Variants in MGAT4C observed in about 807,000 individuals in gnomAD.
MGAT4C encodes the protein MGAT4 family member C.
MGAT4C carries 19 observed loss-of-function variants against 40.1 expected under a neutral mutation model. The ratio of observed to expected loss-of-function variants is 0.47; its 90% CI spans 0.33 to 0.70. The LOEUF (loss-of-function observed/expected upper bound fraction) is 0.70. MGAT4C is among the 30% of genes least tolerant of loss of function. The pLI is 0.02. For missense variants in MGAT4C, 491 were observed against 563.2 expected (o/e 0.87, Z 1.30); for synonymous variants, 181 against 187.1 (o/e 0.97, Z 0.27).
intron 1 of MGAT4C, among the ~76,000 whole-genome samples, chr12:86,119,597 C>G (rs922514702): frequency 6.6e-6 from 1 of 151,636 alleles, no homozygotes. Context: ...TTAGTAGAGA[C>G]AGGGTTTCAC....
chr12:86,085,545 C>T (rs1276061775), intron 1 of MGAT4C, among the ~76,000 whole-genome samples: 1 of 152,012 alleles, frequency 6.6e-6, no homozygotes, highest in African/African-American at 2.4e-5. Flanking sequence ...GGCCTCTTTT[C>T]TGTTCCTATA....
intron 1 of MGAT4C, among the ~76,000 whole-genome samples, chr12:86,774,331 C>CTTTCTTTCTTT (rs1555227805): frequency 9.4e-6 from 1 of 106,732 alleles, no homozygotes; most frequent in East Asian, 3.1e-4. Flanking sequence ...TTCTTTCTTT[C>CTTTCTTTCTTT]TTTCTTTCTG....
At chr12:86,510,981 C>A (rs977672180) in intron 2 of MGAT4C, among the ~76,000 whole-genome samples, 1 of 151,954 alleles carries the variant, frequency 6.6e-6, no homozygotes, top group African/African-American at 2.4e-5. Flanking sequence ...CAGCTCTGCA[C>A]CAAGCAGACC....
intron 2 of MGAT4C, among the ~76,000 whole-genome samples, chr12:86,042,389 G>C (rs1891945592): frequency 6.6e-6 from 1 of 152,086 alleles, no homozygotes; most frequent in South Asian, 2.1e-4. Context: ...TGTTTGTGTA[G>C]TTGCTTTATA....
In MGAT4C at chr12:86,680,055, G is replaced by C. The variant is rs180713967; in HGVS notation, c.-229+47154C>G. Among the ~76,000 whole-genome samples the C allele has an allele frequency of 1.8e-4, 27 of 151,948 alleles. No homozygotes were observed. In the East Asian group the frequency reaches 5.1e-3, roughly 29 times the overall value. ...TCTTTCTATCCCCTTTTCTGGTTGT[G>C]TAATTTCCTTGTGTATGTTTATTTT... On this transcript the variant is annotated intron_variant, in intron 2 of 7. Transcript: ENST00000548651.
chr12:86,408,479 C>CTCTCTCTCTCTATATA (rs1267344319), intron 3 of MGAT4C, among the ~76,000 whole-genome samples: 13 of 63,334 alleles, frequency 2.1e-4, no homozygotes, highest in African/African-American at 6.3e-4. Flanking sequence ...CTCTCTCTCT[C>CTCTCTCTCTCTATATA]TATATATATA....
chr12:86,357,144 AGCAATATTTGCTGTCCT>A (rs1385882262), intron 3 of MGAT4C, among the ~76,000 whole-genome samples: 6 of 152,200 alleles, frequency 3.9e-5, no homozygotes, highest in Non-Finnish European at 7.3e-5. Context: ...AGGAACAGGC[AGCAATATTTGCTGTCCT>A]GCAATATTTG....
At chr12:86,621,046 T>C (rs914731769) in intron 2 of MGAT4C, among the ~76,000 whole-genome samples, 1 of 152,118 alleles carries the variant, frequency 6.6e-6, no homozygotes, top group African/African-American at 2.4e-5. Context: ...AACGTGAGAA[T>C]GAACTAATAT....
At chr12:86,566,562 ATATATATATATATG>A (rs1960120354) in intron 2 of MGAT4C, among the ~76,000 whole-genome samples, 2 of 125,994 alleles carry the variant, frequency 1.6e-5, no homozygotes, top group African/African-American at 3.0e-5. Flanking sequence ...ATATATATAT[ATATATATATATATG>A]TATATGTATA....
In MGAT4C at chr12:86,576,373, G is replaced by C. The variant is rs369478075; in HGVS notation, c.-228-141108C>G. ...TGTTCACGTTTGCTTTGGTTTTCTTGTGGGGTACTGCTCCAGAAATCTTTG... is the reference window on the plus strand; with the variant it reads ...TGTTCACGTTTGCTTTGGTTTTCTTCTGGGGTACTGCTCCAGAAATCTTTG... On this transcript the variant is annotated intron_variant, in intron 2 of 7. Transcript: ENST00000548651. 2.1e-4 allele frequency among the ~76,000 whole-genome samples: 32 copies of C among 151,700 alleles called. No individual in the cohort carries two copies. In the East Asian group the frequency reaches 2.1e-3, roughly 10 times the overall value.
intron 3 of MGAT4C, 109 bp from the exon 4 acceptor site, chr12:85,983,779 A>G: frequency 1.2e-6 from 1 of 853,856 alleles, no homozygotes; most frequent in Non-Finnish European, 1.7e-6. Flanking sequence ...TATAGTATGC[A>G]GGGTTATATA....
chr12:86,732,780 C>A (rs1950931159), intron 1 of MGAT4C, among the ~76,000 whole-genome samples: 1 of 151,346 alleles, frequency 6.6e-6, no homozygotes, highest in African/African-American at 2.4e-5. Flanking sequence ...GGTTTGGAGA[C>A]CCCTGTTTTA....
At chr12:86,438,986 A>G (rs1324738700) in intron 2 of MGAT4C, among the ~76,000 whole-genome samples, 6 of 151,990 alleles carry the variant, frequency 3.9e-5, no homozygotes, top group Non-Finnish European at 1.5e-5. Flanking sequence ...AATTATTCCT[A>G]CTAAACCTAT....
At chr12:86,333,571 T>C (rs1256433604) in intron 4 of MGAT4C, among the ~76,000 whole-genome samples, 1 of 152,132 alleles carries the variant, frequency 6.6e-6, no homozygotes, top group African/African-American at 2.4e-5. Flanking sequence ...AAAGACAGAC[T>C]GATGACAGAG....
intron 1 of MGAT4C, among the ~76,000 whole-genome samples, chr12:86,175,795 CAAAAAAAAAAAAAAA>C (rs61441239): frequency 1.2e-5 from 1 of 83,644 alleles, no homozygotes; most frequent in Non-Finnish European, 2.2e-5. Flanking sequence ...ACTAAAAATA[CAAAAAAAAAAAAAAA>C]AAAAAAAAAA....
chr12:86,527,872 T>C (rs1476606721), intron 2 of MGAT4C, among the ~76,000 whole-genome samples: 1 of 152,164 alleles, frequency 6.6e-6, no homozygotes, highest in Non-Finnish European at 1.5e-5. Flanking sequence ...ATGTGGTAGC[T>C]AAAAAGTGGA....
chr12:85,983,704 A>G lies in MGAT4C; in HGVS notation c.148-34T>C, dbSNP rs748499569. Reference sequence around the variant, plus strand: ...CAAGAAAGAAGCAAGGAAAATATATAAATAATAGATGGTCATGGATTAAAT... The same window carrying G: ...CAAGAAAGAAGCAAGGAAAATATATGAATAATAGATGGTCATGGATTAAAT... On this transcript the variant is annotated intron_variant, in intron 3 of 4. Coordinates refer to ENST00000611864, the MANE Select transcript of MGAT4C (RefSeq NM_001351288.2). The G allele has an allele frequency of 2.7e-6, 4 of 1,474,892 alleles. No homozygotes were observed. The South Asian group carries it at 5.3e-5, about 20-fold the overall frequency. 91.4% of individuals were successfully genotyped at this position (1,474,892 alleles called of 1,614,324 possible).
At chr12:86,329,126 A>AAATAAATG (rs1954594781) in intron 4 of MGAT4C, among the ~76,000 whole-genome samples, 1 of 150,854 alleles carries the variant, frequency 6.6e-6, no homozygotes. Flanking sequence ...ATAAATAAAT[A>AAATAAATG]AATAAATAAA....
intron 4 of MGAT4C, among the ~76,000 whole-genome samples, chr12:86,300,572 A>G (rs1158155865): frequency 1.3e-5 from 2 of 152,288 alleles, no homozygotes; most frequent in East Asian, 3.9e-4. Flanking sequence ...ATGTGAAGTG[A>G]TTGTTTTAAC....
Sources: gnomAD v4.1 joint callset for allele counts (sites outside exome capture counted in the v4.1 genomes callset) on GRCh38, gnomAD v4.1.1 for gene constraint, MANE v1.5 for transcripts, NCBI Gene and HGNC (gene_info 2026-07-23, HGNC 2026-07-21) for gene names.